Variants in MTM1 observed in about 807,000 individuals in gnomAD.
The protein encoded by MTM1 is myotubularin.
Under a neutral mutation model 52.1 loss-of-function variants are expected in MTM1, and 9 were observed. The observed-to-expected ratio is 0.17, with a 90% CI of 0.10 to 0.30. The LOEUF is 0.30. MTM1 is among the 10% of genes least tolerant of loss of function. The pLI is 1.00. For synonymous variants in MTM1, 136 were observed against 163.8 expected (o/e 0.83, Z 1.29); for missense variants, 277 against 470.7 (o/e 0.59, Z 3.81).
At chrX:150,611,837 C>G (rs2039285264) in intron 4 of MTM1, among the ~76,000 whole-genome samples, 1 of 111,962 alleles carries the variant, frequency 8.9e-6, no homozygotes, top group Non-Finnish European at 1.9e-5. Context: ...GGTTCCCTCT[C>G]TACAATTTTG....
chrX:150,669,860 G>A (rs1239666692), intron 14 of MTM1, among the ~76,000 whole-genome samples: 1 of 112,227 alleles, frequency 8.9e-6, no homozygotes, highest in Non-Finnish European at 1.9e-5. Flanking sequence ...TTGCTGTGCA[G>A]AAGCTCTTTA....
intron 14 of MTM1, 43 bp from the exon 15 acceptor site, chrX:150,671,385 G>T (rs1215590284): frequency 8.3e-7 from 1 of 1,202,572 alleles, no homozygotes; most frequent in East Asian, 3.0e-5. Context: ...TTCTCATGAC[G>T]TGCGTGGCAT....
At chrX:150,625,553 G>T (rs1278247115) in intron 6 of MTM1, among the ~76,000 whole-genome samples, 1 of 112,011 alleles carries the variant, frequency 8.9e-6, no homozygotes, top group Non-Finnish European at 1.9e-5. Context: ...TGACCTAGAA[G>T]GGTGAGATAC....
At chrX:150,581,331 A>G (rs1344690232) in intron 1 of MTM1, among the ~76,000 whole-genome samples, 1 of 112,304 alleles carries the variant, frequency 8.9e-6, no homozygotes, top group Admixed American at 9.4e-5. Flanking sequence ...ACTTTGAAGA[A>G]TAACTCAGCT....
chrX:150,569,851 A>G (rs1012853637), intron 1 of MTM1, among the ~76,000 whole-genome samples: 3 of 112,181 alleles, frequency 2.7e-5, no homozygotes, highest in Non-Finnish European at 3.8e-5. Context: ...CCTTCATCCA[A>G]CATATATATT....
intron 10 of MTM1, 25 bp downstream of exon 10, chrX:150,649,926 T>G: frequency 8.7e-7 from 1 of 1,153,027 alleles, no homozygotes; most frequent in Non-Finnish European, 1.2e-6. Context: ...TGAAAATATT[T>G]GTGTATATAA....
intron 6 of MTM1, among the ~76,000 whole-genome samples, chrX:150,628,434 C>T (rs2039606832): frequency 9.0e-6 from 1 of 111,352 alleles, no homozygotes; most frequent in Non-Finnish European, 1.9e-5. Flanking sequence ...ACCATCTAGA[C>T]ATGGGTTTTC....
intron 10 of MTM1, among the ~76,000 whole-genome samples, chrX:150,657,583 G>A (rs1310069099): frequency 9.1e-6 from 1 of 109,631 alleles, no homozygotes; most frequent in Non-Finnish European, 1.9e-5. Context: ...AAACCTGCAC[G>A]TTGTGTACAT....
intron 6 of MTM1, among the ~76,000 whole-genome samples, chrX:150,632,451 A>T (rs1380683790): frequency 1.8e-5 from 2 of 111,681 alleles, no homozygotes; most frequent in African/African-American, 6.5e-5. Context: ...CCCACTCAGA[A>T]TGTCTGCTTT....
chrX:150,565,211 C>A (rs1415337278), upstream of MTM1, among the ~76,000 whole-genome samples: 3 of 111,533 alleles, frequency 2.7e-5, no homozygotes, highest in Non-Finnish European at 5.6e-5. Flanking sequence ...TACATCTATC[C>A]TCAAGGGGAC....
chrX:150,596,577 A>T lies in MTM1; in HGVS notation c.136+7A>T, dbSNP rs782025629. On this transcript the variant is annotated splice_region_variant and intron_variant, in intron 3 of 14. Coordinates refer to ENST00000370396, the MANE Select transcript of MTM1 (RefSeq NM_000252.3). ...GGAGAAACACTAATCACTGGTAAGGACCTGCTGACATAAGATTTGCATAAC... is the reference window on the plus strand; with the variant it reads ...GGAGAAACACTAATCACTGGTAAGGTCCTGCTGACATAAGATTTGCATAAC... 5.9e-6 allele frequency: 7 copies of T among 1,194,268 alleles called. No individual in the cohort carries two copies. Among genetic ancestry groups the T allele is most frequent in the Non-Finnish European group, 7.9e-6 (7 of 881,373 alleles).
chrX:150,666,679 A>G (rs913329729), intron 14 of MTM1, among the ~76,000 whole-genome samples: 1 of 111,939 alleles, frequency 8.9e-6, no homozygotes, highest in Non-Finnish European at 1.9e-5. Flanking sequence ...ACACATCCCT[A>G]TGAGTGGAAT....
chrX:150,650,487 T>C (rs1275520957), intron 10 of MTM1, among the ~76,000 whole-genome samples: 2 of 111,473 alleles, frequency 1.8e-5, no homozygotes, highest in African/African-American at 6.5e-5. Flanking sequence ...TATTAAGATA[T>C]ATTCTCTAGT....
At chrX:150,575,946 A>G (rs782691888) in intron 1 of MTM1, among the ~76,000 whole-genome samples, 1 of 111,276 alleles carries the variant, frequency 9.0e-6, no homozygotes, top group Non-Finnish European at 1.9e-5. Flanking sequence ...CAAAGTGCTT[A>G]GGATTACAGG....
chrX:150,656,918 A>G lies in MTM1; in HGVS notation c.1054-903A>G, dbSNP rs369247915. Among the ~76,000 whole-genome samples, 6 of 112,027 alleles carry G rather than the reference A, an allele frequency of 5.4e-5. No homozygotes were observed. The East Asian group carries it at 1.7e-3, about 31-fold the overall frequency. ...CAGAGAAATGCAAATCAAAACCACA[A>G]TGAGATACCATCTCACACCAGTTAG... On this transcript the variant is annotated intron_variant, in intron 10 of 14. Transcript: ENST00000370396.
At chrX:150,578,640 C>T (rs2038515277) in intron 1 of MTM1, among the ~76,000 whole-genome samples, 1 of 111,176 alleles carries the variant, frequency 9.0e-6, no homozygotes, top group African/African-American at 3.3e-5. Context: ...GGGAAAAGGC[C>T]CACACATTTT....
At chrX:150,606,058 C>T (rs1371032654) in intron 4 of MTM1, among the ~76,000 whole-genome samples, 1 of 109,799 alleles carries the variant, frequency 9.1e-6, no homozygotes, top group Non-Finnish European at 1.9e-5. Context: ...CTTTTCAGGT[C>T]CTTCTCTCTA....
At chrX:150,656,631 CT>C (rs1557414427) in intron 10 of MTM1, among the ~76,000 whole-genome samples, 1 of 111,887 alleles carries the variant, frequency 8.9e-6, no homozygotes, top group Non-Finnish European at 1.9e-5. Context: ...TTTTTAACAC[CT>C]GGGCACATTC....
chrX:150,667,220 A>T (rs1557414975), intron 14 of MTM1, among the ~76,000 whole-genome samples: 1 of 111,422 alleles, frequency 9.0e-6, no homozygotes, highest in African/African-American at 3.3e-5. Flanking sequence ...ATCCTCACCA[A>T]CAACCTTTCT....
Sources: gnomAD v4.1 joint callset for allele counts (sites outside exome capture counted in the v4.1 genomes callset) on GRCh38, gnomAD v4.1.1 for gene constraint, MANE v1.5 for transcripts, NCBI Gene and HGNC (gene_info 2026-07-23, HGNC 2026-07-21) for gene names.